SOX5: variants seen among roughly 807,000 people sequenced by gnomAD.
SOX5 encodes the protein transcription factor SOX-5.
SOX5 carries 9 observed loss-of-function variants against 92.0 expected under a neutral mutation model. The ratio of observed to expected loss-of-function variants is 0.10; its 90% CI spans 0.06 to 0.17. The LOEUF (loss-of-function observed/expected upper bound fraction) is 0.17, where lower values mean the gene tolerates loss of function less well. Ranked by LOEUF, SOX5 falls within the 10% of genes least tolerant of loss-of-function variation. SOX5 has a pLI of 1.00. For missense variants in SOX5, 642 were observed against 944.5 expected (o/e 0.68, Z 4.20); for synonymous variants, 344 against 336.3 (o/e 1.02, Z -0.25).
At position 24,187,791 on chromosome 12, in the gene SOX5, T is replaced by C. The variant is rs374885410; in HGVS notation, c.-2+25552A>G. ...GACATGAGAAAAAAAATCAACTGTG[T>C]CTCAGTCATTCGTCCAAAATTCAAT... On this transcript the variant is annotated intron_variant, in intron 4 of 4. Coordinates refer to the SOX5 transcript ENST00000446891. Among the ~76,000 whole-genome samples the C allele has an allele frequency of 5.9e-5, 9 of 152,300 alleles. No homozygotes were observed. The South Asian group carries it at 1.9e-3, about 32-fold the overall frequency.
chr12:24,503,949 G>A (rs937079178), intron 1 of SOX5, among the ~76,000 whole-genome samples: 3 of 151,850 alleles, frequency 2.0e-5, no homozygotes, highest in African/African-American at 7.3e-5. Flanking sequence ...TTCTGCAAAT[G>A]TATCCCAGAA....
At chr12:24,375,537 C>G in intron 1 of SOX5, among the ~76,000 whole-genome samples, 1 of 151,592 alleles carries the variant, frequency 6.6e-6, no homozygotes, top group East Asian at 2.0e-4. Context: ...GAGTTCGAGA[C>G]CAGCCTGGCC....
chr12:23,644,958 A>G (rs2080636029), intron 7 of SOX5, among the ~76,000 whole-genome samples: 1 of 152,226 alleles, frequency 6.6e-6, no homozygotes, highest in Non-Finnish European at 1.5e-5. Flanking sequence ...GGTACTCTTC[A>G]CAGTGAAAAT....
In SOX5 at chr12:23,600,522, C is replaced by CATATATATATATATATATAT. The variant is rs371480644; in HGVS notation, c.1164+3845_1164+3864dup. The stretch of plus-strand genomic sequence containing the variant: ...AAGATAGACCATGGCGGGGGGGGTG[C>CATATATATATATATATATAT]ATATATATATATATATATATATATA... On this transcript the variant is annotated intron_variant, in intron 9 of 14. Coordinates refer to ENST00000451604, the MANE Select transcript of SOX5 (RefSeq NM_006940.6). 5.1e-3 allele frequency among the ~76,000 whole-genome samples: 204 copies of CATATATATATATATATATAT among 39,752 alleles called. 9 individuals are homozygous for CATATATATATATATATATAT. Among genetic ancestry groups the CATATATATATATATATATAT allele is most frequent in the African/African-American group, 9.5e-3 (101 of 10,676 alleles). The allele number at this position is 39,752 out of a possible 152,430, so 26.1% of individuals were successfully genotyped here. A position where few individuals can be genotyped will look rare whatever the true frequency, so the allele number is the denominator to read the frequency against.
intron 4 of SOX5, among the ~76,000 whole-genome samples, chr12:24,142,816 G>C (rs12313152): frequency 0.05 from 7,482 of 150,486 alleles, 637 homozygotes; most frequent in African/African-American, 0.17. Flanking sequence ...GCTGAATCCC[G>C]GAAGACAGAG....
chr12:23,533,923 A>T lies in SOX5; in HGVS notation c.*296T>A. 1 of 235,424 alleles carries T rather than the reference A, an allele frequency of 4.2e-6. No individual in the cohort carries two copies. Among genetic ancestry groups the T allele is most frequent in the South Asian group, 9.4e-5 (1 of 10,668 alleles). The allele number at this position is 235,424 out of a possible 1,614,324, so 14.6% of individuals were successfully genotyped here. ...TAAAGTTTATTTAAAAAAAAAAAAAAGTTGACGGGTAAGACTTCAGTGCTT... is the reference window on the plus strand; with the variant it reads ...TAAAGTTTATTTAAAAAAAAAAAAATGTTGACGGGTAAGACTTCAGTGCTT... On this transcript the variant is annotated 3_prime_UTR_variant, in exon 15 of 15. Transcript: ENST00000451604.
rs1369141914 is a variant in SOX5, at chr12:23,975,347, TA to T, written c.-1-79324del. ...GATATATAATATGATATACTTTTTT[TA>T]AAAAAAAAAATTAAGTGTAAAGCGT... On this transcript the variant is annotated intron_variant, in intron 4 of 4. Coordinates refer to the SOX5 transcript ENST00000446891. Among the ~76,000 whole-genome samples the T allele has an allele frequency of 1.9e-3, 294 of 150,828 alleles. 2 individuals carry two copies. The highest frequency in any genetic ancestry group is 5.9e-3 in the African/African-American group (244 of 41,116).
At chr12:23,925,361 T>C (rs1939655279) in intron 1 of SOX5, among the ~76,000 whole-genome samples, 1 of 152,124 alleles carries the variant, frequency 6.6e-6, no homozygotes, top group Non-Finnish European at 1.5e-5. Context: ...ATGTCACTAA[T>C]ATCCAATTTA....
In SOX5 at chr12:23,575,699, G is replaced by C; in HGVS notation, c.1304C>G (p.Ala435Gly). The C allele has an allele frequency of 6.2e-7, 1 of 1,614,192 alleles. No individual in the cohort carries two copies. Among genetic ancestry groups the C allele is most frequent in the South Asian group, 1.1e-5 (1 of 91,086 alleles). ...TCTGGCTGAAGGACTAGCTAACGCT[G>C]CTGGGACAGAGGCTTTGAGGGGGCC... Reference protein sequence around the residue: ...GAGPLKASVPAALASPSARVS... With the variant: ...GAGPLKASVPGALASPSARVS... The change falls in exon 10 of 15, where the codon GCA (alanine) becomes GGA (glycine). Residue 435 changes from alanine to glycine, a missense_variant. Coordinates refer to ENST00000451604, the MANE Select transcript of SOX5 (RefSeq NM_006940.6).
At chr12:23,807,739 CA>C (rs1232655531) in intron 3 of SOX5, among the ~76,000 whole-genome samples, 1 of 150,704 alleles carries the variant, frequency 6.6e-6, no homozygotes, top group African/African-American at 2.4e-5. Flanking sequence ...CTCCTGGGTT[CA>C]AGTGAATTCT....
At chr12:23,576,783 A>G (rs536636981) in intron 9 of SOX5, among the ~76,000 whole-genome samples, 2 of 152,246 alleles carry the variant, frequency 1.3e-5, no homozygotes, top group East Asian at 1.9e-4. Context: ...CACTTTTTAA[A>G]TTGGAAATTG....
At chr12:23,954,003 A>G (rs937116880), upstream of SOX5, among the ~76,000 whole-genome samples, 1 of 152,070 alleles carries the variant, frequency 6.6e-6, no homozygotes, top group Non-Finnish European at 1.5e-5. Context: ...CAAAGAGACT[A>G]TCAAGAACTT....
chr12:24,068,694 G>T (rs1209142685), intron 4 of SOX5, among the ~76,000 whole-genome samples: 1 of 56,460 alleles, frequency 1.8e-5, no homozygotes, highest in African/African-American at 7.2e-5. Flanking sequence ...GTGTGTGTGT[G>T]TGTGTGTGTG....
intron 6 of SOX5, among the ~76,000 whole-genome samples, chr12:23,720,960 T>G (rs2092782039): frequency 6.6e-6 from 1 of 152,184 alleles, no homozygotes; most frequent in Non-Finnish European, 1.5e-5. Context: ...CTATGCCTAA[T>G]TAGTTATAGG....
At chr12:23,913,958 C>G (rs2097382607) in intron 1 of SOX5, among the ~76,000 whole-genome samples, 1 of 152,136 alleles carries the variant, frequency 6.6e-6, no homozygotes, top group African/African-American at 2.4e-5. Context: ...TCTGATCCAG[C>G]ATTTCATCCT....
chr12:24,183,749 T>C (rs1352814507), intron 4 of SOX5, among the ~76,000 whole-genome samples: 1 of 152,186 alleles, frequency 6.6e-6, no homozygotes, highest in African/African-American at 2.4e-5. Flanking sequence ...CCTGAATCAA[T>C]ATGGTTTGAG....
At chr12:23,978,570 G>A (rs910309173) in intron 4 of SOX5, among the ~76,000 whole-genome samples, 3 of 152,056 alleles carry the variant, frequency 2.0e-5, no homozygotes, top group Non-Finnish European at 2.9e-5. Context: ...CACAATACAT[G>A]GTAGAAATAA....
intron 2 of SOX5, among the ~76,000 whole-genome samples, chr12:24,325,826 A>C (rs556225371): frequency 1.3e-5 from 2 of 152,340 alleles, no homozygotes; most frequent in South Asian, 4.1e-4. Context: ...ACAGCCTTGT[A>C]ATAAGGATTA....
At chr12:24,066,402 T>C (rs1408112611) in intron 4 of SOX5, among the ~76,000 whole-genome samples, 2 of 152,172 alleles carry the variant, frequency 1.3e-5, no homozygotes, top group African/African-American at 4.8e-5. Context: ...CCAATGAAGA[T>C]GTAGTGAAAA....
Sources: gnomAD v4.1 joint callset for allele counts (sites outside exome capture counted in the v4.1 genomes callset) on GRCh38, gnomAD v4.1.1 for gene constraint, MANE v1.5 for transcripts, NCBI Gene and HGNC (gene_info 2026-07-23, HGNC 2026-07-21) for gene names.